The following MYLK4 variants were observed in gnomAD, a reference collection of about 807,000 sequenced individuals.
MYLK4 encodes caMLCK like.
A neutral mutation model predicts 48.1 loss-of-function variants in MYLK4; 46 were observed. The observed-to-expected ratio is 0.96, with a 90% CI of 0.75 to 1.22. The LOEUF (loss-of-function observed/expected upper bound fraction) is 1.22. Ranked by LOEUF, MYLK4 falls within the 50% of genes most tolerant of loss-of-function variation. The probability of loss-of-function intolerance (pLI) is 0.00; values close to 1 mark genes in which losing one functional copy is unlikely to be tolerated. For missense variants in MYLK4, 451 were observed against 486.1 expected, an observed-to-expected ratio of 0.93 and a Z score of 0.68; for synonymous variants, 170 against 180.8, an observed-to-expected ratio of 0.94 and a Z score of 0.48.
intron 10 of MYLK4, among the ~76,000 whole-genome samples, chr6:2,677,779 G>A (rs533309241): frequency 2.0e-5 from 3 of 152,300 alleles, no homozygotes; most frequent in East Asian, 1.9e-4. Flanking sequence ...CATGGAGTTG[G>A]GGTCAGGGGT....
chr6:2,669,177 T>G (rs1760782512), intron 12 of MYLK4, among the ~76,000 whole-genome samples: 1 of 152,238 alleles, frequency 6.6e-6, no homozygotes, highest in Admixed American at 6.5e-5. Context: ...GGTGAATTTC[T>G]GAGGCCAAAT....
chr6:2,732,861 C>T (rs1394132188), intron 2 of MYLK4, among the ~76,000 whole-genome samples: 1 of 152,246 alleles, frequency 6.6e-6, no homozygotes, highest in Non-Finnish European at 1.5e-5. Context: ...CCTGGCTGTT[C>T]CTTCCAAACA....
At chr6:2,750,518 A>G (rs1254824672) in intron 1 of MYLK4, among the ~76,000 whole-genome samples, 1 of 152,226 alleles carries the variant, frequency 6.6e-6, no homozygotes, top group Non-Finnish European at 1.5e-5. Flanking sequence ...CTACGACTAA[A>G]ATACTATGGT....
intron 2 of MYLK4, among the ~76,000 whole-genome samples, chr6:2,703,876 G>A (rs933711989): frequency 2.6e-5 from 4 of 151,922 alleles, no homozygotes; most frequent in African/African-American, 9.7e-5. Context: ...TCACCATGCT[G>A]GCCAGGATGG....
the MYLK4 span, among the ~76,000 whole-genome samples, chr6:2,762,818 T>A: frequency 4.1e-3 from 626 of 152,078 alleles, 3 homozygotes; most frequent in African/African-American, 0.013. Context: ...CCGTTAGAGG[T>A]CTTAGGTCAG....
At chr6:2,671,981 C>G (rs114546194) in intron 11 of MYLK4, among the ~76,000 whole-genome samples, 1 of 151,952 alleles carries the variant, frequency 6.6e-6, no homozygotes, top group Non-Finnish European at 1.5e-5. Flanking sequence ...ATGGGAAACG[C>G]GTGAAGATTT....
intron 2 of MYLK4, among the ~76,000 whole-genome samples, chr6:2,710,014 G>A (rs1762619378): frequency 2.0e-5 from 3 of 152,044 alleles, no homozygotes; most frequent in Admixed American, 2.0e-4. Context: ...GTAGTAATTG[G>A]CTATGTTGAC....
intron 10 of MYLK4, 74 bp downstream of exon 10, chr6:2,678,146 G>A (rs377192612): frequency 2.3e-4 from 356 of 1,526,988 alleles, no homozygotes; most frequent in East Asian, 1.4e-3. Flanking sequence ...GAATAAATTC[G>A]AACAGCCCTG....
chr6:2,721,050 A>G (rs907216643), intron 2 of MYLK4, among the ~76,000 whole-genome samples: 1 of 152,096 alleles, frequency 6.6e-6, no homozygotes, highest in African/African-American at 2.4e-5. Context: ...AGTCCCAGCT[A>G]CTCGGGAGGC....
At chr6:2,763,338 A>G in the MYLK4 span, among the ~76,000 whole-genome samples, 1 of 152,236 alleles carries the variant, frequency 6.6e-6, no homozygotes, top group Non-Finnish European at 1.5e-5. Context: ...ATGAGCCTGC[A>G]TTGCTCAGCT....
the MYLK4 span, among the ~76,000 whole-genome samples, chr6:2,769,418 AT>A: frequency 1.1e-4 from 16 of 152,282 alleles, 1 homozygote; most frequent in South Asian, 2.7e-3. Context: ...TTAAAAAAAA[AT>A]AAACATTAAA....
At chr6:2,739,227 G>A (rs1373548854) in intron 2 of MYLK4, among the ~76,000 whole-genome samples, 1 of 152,162 alleles carries the variant, frequency 6.6e-6, no homozygotes, top group Non-Finnish European at 1.5e-5. Flanking sequence ...GCCAAGGCAG[G>A]CAGATCACTA....
At chr6:2,762,094 T>G in the MYLK4 span, among the ~76,000 whole-genome samples, 1 of 152,118 alleles carries the variant, frequency 6.6e-6, no homozygotes, top group African/African-American at 2.4e-5. Context: ...GTATTTTTAG[T>G]AGACAGGGTT....
chr6:2,694,556 C>CCATGATG (rs1761973125), intron 2 of MYLK4, among the ~76,000 whole-genome samples: 3 of 3,074 alleles, frequency 9.8e-4, no homozygotes, highest in Non-Finnish European at 6.2e-4. Flanking sequence ...TGGTGGTAGT[C>CCATGATG]GTGGTGGTAG....
At chr6:2,706,907 C>T (rs917373229) in intron 2 of MYLK4, among the ~76,000 whole-genome samples, 59 of 152,196 alleles carry the variant, frequency 3.9e-4, no homozygotes, top group Admixed American at 2.4e-3. Context: ...ATTCCAAGAA[C>T]AGAATTAAAG....
chr6:2,761,972 T>C, the MYLK4 span, among the ~76,000 whole-genome samples: 3 of 152,210 alleles, frequency 2.0e-5, no homozygotes, highest in African/African-American at 7.2e-5. Flanking sequence ...AATGCAGTGT[T>C]GTGATTTCGG....
chr6:2,675,783 C>G (rs34345787), intron 10 of MYLK4, among the ~76,000 whole-genome samples: 29,787 of 152,112 alleles, frequency 0.2, 3,341 homozygotes, highest in Middle Eastern at 0.35. Flanking sequence ...CACATTAAAA[C>G]AAATAACCTT....
At position 2,664,938 on chromosome 6, in the gene MYLK4, A is replaced by G. The variant is rs1760587266; in HGVS notation, c.*2987T>C. On this transcript the variant is annotated 3_prime_UTR_variant, in exon 13 of 13. Transcript: ENST00000274643. The stretch of plus-strand genomic sequence containing the variant: ...TCTGGGTAAGTGTTGGTGTCTTCCA[A>G]ATTACCAATGAGGCATGCCTTCTCC... 1 of 152,188 alleles carries G rather than the reference A, an allele frequency of 6.6e-6. No homozygotes were observed. The highest frequency in any genetic ancestry group is 6.5e-5 in the Admixed American group (1 of 15,286). 9.4% of individuals were successfully genotyped at this position (152,188 alleles called of 1,614,324 possible).
At chr6:2,678,674 T>C (rs965447151) in intron 9 of MYLK4, among the ~76,000 whole-genome samples, 3 of 151,240 alleles carry the variant, frequency 2.0e-5, no homozygotes, top group Non-Finnish European at 4.4e-5. Context: ...ATGTCACCTC[T>C]GAGGGGTGAG....
Sources: allele counts gnomAD v4.1 joint callset (sites outside exome capture counted in the v4.1 genomes callset), GRCh38; gene constraint gnomAD v4.1.1; transcripts MANE v1.5; gene names NCBI Gene and HGNC (gene_info 2026-07-23, HGNC 2026-07-21).